RBCK1: variants seen among roughly 807,000 people sequenced by gnomAD.
RBCK1 encodes the protein ranBP-type and C3HC4-type zinc finger-containing protein 1.
Under a neutral mutation model 71.1 loss-of-function variants are expected in RBCK1, and 44 were observed. The ratio of observed to expected loss-of-function variants is 0.62; its 90% confidence interval spans 0.49 to 0.80. RBCK1 has a LOEUF of 0.80. RBCK1 is among the 30% of genes least tolerant of loss of function. The pLI is 0.00. For synonymous variants in RBCK1, 306 were observed against 279.7 expected, an observed-to-expected ratio of 1.09 and a Z score of -0.94; for missense variants, 569 against 685.0, an observed-to-expected ratio of 0.83 and a Z score of 1.89.
At chr20:421,160 T>G (rs1046852607) in intron 7 of RBCK1, 129 bp downstream of exon 7, 4 of 1,181,430 alleles carry the variant, frequency 3.4e-6, no homozygotes, top group Non-Finnish European at 4.6e-6. Flanking sequence ...CGAGGTAGGC[T>G]CCGTCTCCCC....
In RBCK1 at chr20:428,018, C is replaced by T. The variant is rs961689024; in HGVS notation, c.1210-473C>T. On this transcript the variant is annotated intron_variant, in intron 9 of 11. Transcript: ENST00000356286. The surrounding 1 kb of genome is among the most constrained non-coding windows in gnomAD (Gnocchi z 5.7). ...ACCTAGACAGCCCTACCTGATCCTTCCCCCAGGCCTGTCCCCGCCGCTTCA... is the reference window on the plus strand; with the variant it reads ...ACCTAGACAGCCCTACCTGATCCTTTCCCCAGGCCTGTCCCCGCCGCTTCA... Among the ~76,000 whole-genome samples the T allele has an allele frequency of 1.3e-5, 2 of 152,154 alleles. No individual in the cohort carries two copies. Among genetic ancestry groups the T allele is most frequent in the African/African-American group, 4.8e-5 (2 of 41,442 alleles).
At chr20:416,417 C>T (rs756454135) in intron 2 of RBCK1, among the ~76,000 whole-genome samples, 18 of 152,068 alleles carry the variant, frequency 1.2e-4, no homozygotes, top group Non-Finnish European at 2.4e-4. Context: ...ACCTCGGCCT[C>T]CCAAAGTGCT....
rs776253021 is a variant in RBCK1, at chr20:427,338, G to A, written c.1055G>A (p.Arg352Gln). The A allele has an allele frequency of 2.5e-5, 40 of 1,613,978 alleles. No individual in the cohort carries two copies. The highest frequency in any genetic ancestry group is 1.9e-5 in the Non-Finnish European group (23 of 1,180,026). Residue 352 changes from arginine (R) to glutamine (Q), a missense_variant, in exon 9 of 12, where the codon CGA becomes CAA. By Grantham distance (43) the Arg-to-Gln change is conservative (BLOSUM62 1). Transcript: ENST00000356286. ...KALLTPEDYQ[R>Q]FLDLGISIAE... Reference sequence around the variant, plus strand: ...CTCCTGACCCCTGAGGATTACCAGCGATTTCTAGACCTGGGCATCTCCATT... The same window carrying A: ...CTCCTGACCCCTGAGGATTACCAGCAATTTCTAGACCTGGGCATCTCCATT...
chr20:425,178 T>G (rs780498965), intron 8 of RBCK1, among the ~76,000 whole-genome samples: 6 of 152,116 alleles, frequency 3.9e-5, no homozygotes, highest in Non-Finnish European at 5.9e-5. Context: ...GCCCAGCTAA[T>G]TTTTGTATTT....
In RBCK1 at chr20:419,361, G is replaced by A; in HGVS notation, c.475G>A (p.Asp159Asn). 6.2e-7 allele frequency: 1 copy of A among 1,612,204 alleles called. No individual in the cohort carries two copies. Among genetic ancestry groups the A allele is most frequent in the Non-Finnish European group, 8.5e-7 (1 of 1,179,806 alleles). Residue 159 changes from aspartate to asparagine, a missense_variant, in exon 5 of 12, where the codon GAC becomes AAC. Physicochemically the swap from Asp to Asn is conservative, Grantham distance 23 (BLOSUM62 1). Around this residue, in one of 2 missense-constraint regions of RBCK1, gnomAD observed 358 missense variants for 375.6 expected, o/e 0.95. Transcript: ENST00000356286. ...CTCCTCCACAGATCTGGGCTTCAAG[G>A]ACCTCACGCTGCAGCCGCGGGGCCC... ...LRMLEDLGFK[D>N]LTLQPRGPLE... is the part of the protein sequence containing the mutation.
rs1432973008 is a variant in RBCK1 at position 422,885 on chromosome 20, G to T, written c.1029+647G>T. On this transcript the variant is annotated intron_variant, in intron 8 of 11. Coordinates refer to ENST00000356286, the MANE Select transcript of RBCK1 (RefSeq NM_031229.4). The surrounding 1 kb of genome is among the most constrained non-coding windows in gnomAD (Gnocchi z 5.0). ...AACTCTGGAGCCTGGTGGCCTGGGT[G>T]TGTGACCACAAGTCAGATATTTAAC... is the stretch of plus-strand genomic sequence containing the variant. 6.6e-6 allele frequency among the ~76,000 whole-genome samples: 1 copy of T among 151,922 alleles called. No individual in the cohort carries two copies. The highest frequency in any genetic ancestry group is 1.5e-5 in the Non-Finnish European group (1 of 67,998).
chr20:428,576 C>G lies in RBCK1; in HGVS notation c.1295C>G (p.Thr432Arg), dbSNP rs753800040. The G allele has an allele frequency of 6.2e-7, 1 of 1,611,018 alleles. No homozygotes were observed. The highest frequency in any genetic ancestry group is 1.3e-5 in the African/African-American group (1 of 74,888). ...AACGATGTGGCTGCCCGGCAGACGACAGAGATGCTGAAGGTGAGGCTGGGA... is the reference window on the plus strand; with the variant it reads ...AACGATGTGGCTGCCCGGCAGACGAGAGAGATGCTGAAGGTGAGGCTGGGA... ...AQNDVAARQT[T>R]EMLKVMLQQG... Residue 432 changes from threonine (T) to arginine (R), a missense_variant, in exon 10 of 12, where the codon ACA becomes AGA. By Grantham distance (71) the Thr-to-Arg change is moderately conservative (BLOSUM62 -1). Transcript: ENST00000356286. The surrounding 1 kb of genome is among the most constrained non-coding windows in gnomAD (Gnocchi z 5.7).
At chr20:420,772 T>G in intron 6 of RBCK1, 99 bp from the exon 7 acceptor site, 1 of 790,688 alleles carries the variant, frequency 1.3e-6, no homozygotes, top group Non-Finnish European at 1.7e-6. Context: ...GTGGCTGGTC[T>G]GACCCAGCCC....
At chr20:409,186 C>G (rs2015547931) in intron 1 of RBCK1, among the ~76,000 whole-genome samples, 1 of 152,222 alleles carries the variant, frequency 6.6e-6, no homozygotes, top group Non-Finnish European at 1.5e-5. Flanking sequence ...GTTCTCCAAA[C>G]AAAACCCAGA....
At position 430,272 on chromosome 20, in the gene RBCK1, CG is replaced by C. The variant is rs141145396; in HGVS notation, c.1453-74del. On this transcript the variant is annotated intron_variant, in intron 11 of 11. Transcript: ENST00000356286. The surrounding 1 kb of genome is among the most constrained non-coding windows in gnomAD (Gnocchi z 5.6). ...AGGAGGACCTGCAGAGGCAAAGGCC[CG>C]GGGTGGGAGAGCGCTCGGCTGTGGG... The C allele has an allele frequency of 1.1e-3, 1,417 of 1,328,236 alleles. 10 individuals are homozygous for C. In the African/African-American group the frequency reaches 0.018, roughly 16 times the overall value. 82.3% of individuals were successfully genotyped at this position (1,328,236 alleles called of 1,614,324 possible).
intron 6 of RBCK1, 153 bp downstream of exon 6, chr20:419,884 C>T: frequency 7.0e-7 from 1 of 1,423,108 alleles, no homozygotes; most frequent in Non-Finnish European, 9.2e-7. Flanking sequence ...TGGCTGTGAC[C>T]CTGCACCTGG....
chr20:423,664 A>G (rs186644254), intron 8 of RBCK1, among the ~76,000 whole-genome samples: 262 of 152,318 alleles, frequency 1.7e-3, no homozygotes, highest in Admixed American at 2.3e-3. Flanking sequence ...ACTATTTTAT[A>G]TAAGGGGTTT....
intron 8 of RBCK1, among the ~76,000 whole-genome samples, chr20:425,500 T>C (rs2016661061): frequency 6.6e-6 from 1 of 152,248 alleles, no homozygotes; most frequent in Non-Finnish European, 1.5e-5. Flanking sequence ...TTAGCTTTTG[T>C]TATTTTGCTA....
chr20:425,125 C>G (rs1317227046), intron 8 of RBCK1, among the ~76,000 whole-genome samples: 1 of 152,154 alleles, frequency 6.6e-6, no homozygotes, highest in Non-Finnish European at 1.5e-5. Context: ...ATTCTCCTGC[C>G]TCAGCCTCCC....
chr20:421,730 A>T (rs2122277891), intron 7 of RBCK1, among the ~76,000 whole-genome samples: 1 of 152,040 alleles, frequency 6.6e-6, no homozygotes, highest in African/African-American at 2.4e-5. Flanking sequence ...GAAGGGGGTA[A>T]TCAGAGCAGG....
At position 417,964 on chromosome 20, in the gene RBCK1, C is replaced by T. The variant is rs369452684; in HGVS notation, c.460+34C>T. On this transcript the variant is annotated intron_variant, in intron 4 of 11. Coordinates refer to ENST00000356286, the MANE Select transcript of RBCK1 (RefSeq NM_031229.4). This position sits in a 1 kb window ranked among gnomAD's most constrained non-coding sequence, Gnocchi z 4.7. Reference sequence around the variant, plus strand: ...CTGCCCTGAGCACCGCCGGACCCAGCGGGGGCCCTGGACTCACTTGAGGGC... The same window carrying T: ...CTGCCCTGAGCACCGCCGGACCCAGTGGGGGCCCTGGACTCACTTGAGGGC... 31 of 1,581,738 alleles carry T rather than the reference C, an allele frequency of 2.0e-5. No homozygotes were observed. The highest frequency in any genetic ancestry group is 1.0e-4 in the Admixed American group (6 of 58,324).
At chr20:426,816 C>CTTTTTTTTTTTTTTTTTTTTTTTTTTTT (rs768525416) in intron 8 of RBCK1, among the ~76,000 whole-genome samples, 3 of 95,508 alleles carry the variant, frequency 3.1e-5, no homozygotes, top group African/African-American at 1.1e-4. Context: ...TTTTCTTTTC[C>CTTTTTTTTTTTTTTTTTTTTTTTTTTTT]TTTTTTTTTT....
chr20:408,857 G>C (rs2015530527), intron 1 of RBCK1, 78 bp downstream of exon 1: 1 of 1,537,152 alleles, frequency 6.5e-7, no homozygotes, highest in African/African-American at 1.4e-5. Context: ...CCCCTGGCCA[G>C]AAGGGCCTTG....
chr20:408,854 C>G, intron 1 of RBCK1, 75 bp downstream of exon 1: 1 of 1,540,148 alleles, frequency 6.5e-7, no homozygotes. Context: ...TTGCCCCTGG[C>G]CAGAAGGGCC....
Sources: gnomAD v4.1 joint callset for allele counts (sites outside exome capture counted in the v4.1 genomes callset) on GRCh38, gnomAD v4.1.1 for gene constraint, gnomAD v4.1.1 regional missense constraint, Gnocchi (gnomAD v3.1) non-coding constraint, MANE v1.5 for transcripts, NCBI Gene and HGNC (gene_info 2026-07-23, HGNC 2026-07-21) for gene names.